The following POLR3A variants were observed in gnomAD, a reference collection of about 807,000 sequenced individuals.
POLR3A encodes RNA polymerase III subunit A.
A neutral mutation model predicts 152.8 loss-of-function variants in POLR3A; 112 were observed. The observed-to-expected ratio is 0.73, with a 90% CI of 0.63 to 0.86. The LOEUF (loss-of-function observed/expected upper bound fraction) is 0.86, where lower values mean the gene tolerates loss of function less well. POLR3A is among the 40% of genes least tolerant of loss of function. The pLI, the probability that POLR3A is intolerant of heterozygous loss-of-function variation, is 0.00. For synonymous variants in POLR3A, 615 were observed against 652.1 expected, an observed-to-expected ratio of 0.94 and a Z score of 0.87; for missense variants, 1,385 against 1,743.1, an observed-to-expected ratio of 0.79 and a Z score of 3.66.
At chr10:78,012,325 T>C (rs1028717106) in intron 11 of POLR3A, among the ~76,000 whole-genome samples, 3 of 150,702 alleles carry the variant, frequency 2.0e-5, no homozygotes, top group Non-Finnish European at 4.4e-5. Flanking sequence ...GATCACATCA[T>C]TGCACTCCAG....
intron 14 of POLR3A, 68 bp downstream of exon 14, chr10:78,009,469 G>C: frequency 6.2e-7 from 1 of 1,606,560 alleles, no homozygotes; most frequent in Non-Finnish European, 8.5e-7. Flanking sequence ...TACCAGCAAA[G>C]CTGATGACCA....
intron 10 of POLR3A, 92 bp from the exon 11 acceptor site, chr10:78,013,882 G>T: frequency 7.0e-7 from 1 of 1,437,478 alleles, no homozygotes; most frequent in Non-Finnish European, 9.8e-7. Context: ...TGGCTTCCTG[G>T]AATACTGGGC....
At chr10:77,977,897 T>A (rs1847105098) in intron 30 of POLR3A, among the ~76,000 whole-genome samples, 1 of 152,030 alleles carries the variant, frequency 6.6e-6, no homozygotes, top group East Asian at 1.9e-4. Context: ...AGTTCTCCTC[T>A]CCCACCTGAG....
chr10:78,005,903 G>C (rs1847405992), intron 15 of POLR3A, among the ~76,000 whole-genome samples: 1 of 152,170 alleles, frequency 6.6e-6, no homozygotes, highest in Non-Finnish European at 1.5e-5. Flanking sequence ...TTTCCAATCA[G>C]TGTTTCAGTC....
intron 21 of POLR3A, among the ~76,000 whole-genome samples, chr10:77,988,485 C>G (rs1192743286): frequency 6.6e-6 from 1 of 151,684 alleles, no homozygotes; most frequent in East Asian, 1.9e-4. Context: ...TTGTGAGACT[C>G]TGTCTCAGGA....
At chr10:78,003,124 C>G (rs113904175) in intron 16 of POLR3A, among the ~76,000 whole-genome samples, 5 of 152,316 alleles carry the variant, frequency 3.3e-5, no homozygotes, top group Admixed American at 1.3e-4. Context: ...TCCACAGTTA[C>G]TCCTCAACTT....
rs898572621 is a variant in POLR3A at position 78,025,282 on chromosome 10, T to G, written c.319-140A>C. Reference sequence around the variant, plus strand: ...TCTGCAAATGGCTCTATACTATGGATATGCAGAGAGGAAGCCTGTGTTCAC... The same window carrying G: ...TCTGCAAATGGCTCTATACTATGGAGATGCAGAGAGGAAGCCTGTGTTCAC... On this transcript the variant is annotated intron_variant, in intron 3 of 30. Transcript: ENST00000372371. The G allele has an allele frequency of 1.0e-4, 92 of 879,870 alleles. No individual in the cohort carries two copies. In the African/African-American group the frequency reaches 1.4e-3, roughly 13 times the overall value. The allele number at this position is 879,870 out of a possible 1,614,324, so 54.5% of individuals were successfully genotyped here.
Position 78,016,369 on chromosome 10 carries a change from G to A in POLR3A, c.1431+1206C>T, listed in dbSNP as rs112395918. On this transcript the variant is annotated intron_variant, in intron 10 of 30. Transcript: ENST00000372371. Reference sequence around the variant, plus strand: ...GGATCCATTGAGCACAGGAGATTGCGACCCATCTGGGCAATACACCAAGAC... The same window carrying A: ...GGATCCATTGAGCACAGGAGATTGCAACCCATCTGGGCAATACACCAAGAC... Among the ~76,000 whole-genome samples, 282 of 144,490 alleles carry A rather than the reference G, an allele frequency of 2.0e-3. 3 individuals carry two copies. The highest frequency in any genetic ancestry group is 6.3e-3 in the African/African-American group (244 of 38,442). The allele number at this position is 144,490 out of a possible 152,430, so 94.8% of individuals were successfully genotyped here.
At chr10:77,982,894 G>T in intron 26 of POLR3A, 77 bp from the exon 27 acceptor site, 1 of 1,395,816 alleles carries the variant, frequency 7.2e-7, no homozygotes, top group Non-Finnish European at 1.0e-6. Flanking sequence ...CCTCTAAGAA[G>T]TCCTTTTAGT....
chr10:77,984,138 G>T, intron 25 of POLR3A, 67 bp downstream of exon 25: 2 of 1,291,438 alleles, frequency 1.5e-6, no homozygotes, highest in Non-Finnish European at 1.1e-6. Context: ...GATGGCAGCT[G>T]ATTTTTACAC....
At position 77,986,149 on chromosome 10, in the gene POLR3A, T is replaced by C. The variant is rs774480974; in HGVS notation, c.2912A>G (p.Lys971Arg). Residue 971 changes from lysine to arginine, a missense_variant, in exon 22 of 31, where the codon AAA (lysine) becomes AGA (arginine). Coordinates refer to ENST00000372371, the MANE Select transcript of POLR3A (RefSeq NM_007055.4). ...CQDSFLQEIKKFIKGVSEKIK... is the reference protein window; with the variant it reads ...CQDSFLQEIKRFIKGVSEKIK... ...CTTCTCAGAGACCCCCTTAATGAAT[T>C]TTTTTATTTCCTGAAAGATTACACA... is the stretch of plus-strand genomic sequence containing the variant. 1 of 1,524,746 alleles carries C rather than the reference T, an allele frequency of 6.6e-7. No individual in the cohort carries two copies. The highest frequency in any genetic ancestry group is 9.1e-7 in the Non-Finnish European group (1 of 1,098,690). 94.5% of individuals were successfully genotyped at this position (1,524,746 alleles called of 1,614,324 possible).
chr10:78,013,914 T>A lies in POLR3A; in HGVS notation c.1432-124A>T, dbSNP rs1470989428. ...GGGCACTGGCTTAAGAAAGTAGATT[T>A]CCAGTATGTTCTGTCAAGTGATATA... On this transcript the variant is annotated intron_variant, in intron 10 of 30. Coordinates refer to ENST00000372371, the MANE Select transcript of POLR3A (RefSeq NM_007055.4). 8.3e-6 allele frequency: 9 copies of A among 1,082,678 alleles called. No homozygotes were observed. The East Asian group carries it at 2.3e-4, about 27-fold the overall frequency. 67.1% of individuals were successfully genotyped at this position (1,082,678 alleles called of 1,614,324 possible).
chr10:78,009,887 G>C lies in POLR3A; in HGVS notation c.1747C>G (p.Leu583Val), dbSNP rs771874455. ...VGKDEKIKVR[L>V]PPPTILKPVT... ...ACCTTTAGGATTGTAGGCGGTGGGA[G>C]GCGAACTTTAATTTTCTCATCCTTG... The change falls in exon 13 of 31, where the codon CTC becomes GTC. Residue 583 changes from leucine (L) to valine (V), a missense_variant. Leu to Val is a conservative substitution (Grantham distance 32). Coordinates refer to ENST00000372371, the MANE Select transcript of POLR3A (RefSeq NM_007055.4). The C allele has an allele frequency of 1.2e-6, 2 of 1,614,088 alleles. No individual in the cohort carries two copies. Among genetic ancestry groups the C allele is most frequent in the South Asian group, 2.2e-5 (2 of 91,076 alleles).
chr10:78,000,971 C>G lies in POLR3A; in HGVS notation c.2478+5G>C, dbSNP rs762833497. The G allele has an allele frequency of 6.8e-7, 1 of 1,465,750 alleles. No homozygotes were observed. The highest frequency in any genetic ancestry group is 9.5e-7 in the Non-Finnish European group (1 of 1,049,900). The allele number at this position is 1,465,750 out of a possible 1,614,324, so 90.8% of individuals were successfully genotyped here. A position where few individuals can be genotyped will look rare whatever the true frequency, so the allele number is the denominator to read the frequency against. On this transcript the variant is annotated splice_donor_5th_base_variant and intron_variant, in intron 18 of 30. Coordinates refer to ENST00000372371, the MANE Select transcript of POLR3A (RefSeq NM_007055.4). The stretch of plus-strand genomic sequence containing the variant: ...CACAGTTCTACCTGATCTGCTACTG[C>G]TTACCTTTGAGTGTTTTTCAAAATG...
At chr10:77,989,393 T>C (rs1847226588) in intron 21 of POLR3A, among the ~76,000 whole-genome samples, 1 of 152,140 alleles carries the variant, frequency 6.6e-6, no homozygotes. Flanking sequence ...CTCAGACACA[T>C]CTGTTCTGGC....
chr10:77,986,719 CA>C (rs1009349983), intron 21 of POLR3A, among the ~76,000 whole-genome samples: 5 of 152,200 alleles, frequency 3.3e-5, no homozygotes, highest in African/African-American at 1.2e-4. Flanking sequence ...CACCTCTCCC[CA>C]CAGGCCTAGG....
At chr10:77,989,298 G>T (rs1040849086) in intron 21 of POLR3A, among the ~76,000 whole-genome samples, 1 of 152,150 alleles carries the variant, frequency 6.6e-6, no homozygotes, top group Admixed American at 6.5e-5. Flanking sequence ...TTCTCCTCTG[G>T]CAGGGACCTG....
Position 78,025,630 on chromosome 10 carries a change from T to C in POLR3A, c.310A>G (p.Ile104Val), listed in dbSNP as rs370741493. 66 of 1,614,070 alleles carry C rather than the reference T, an allele frequency of 4.1e-5. No homozygotes were observed. The highest frequency in any genetic ancestry group is 3.6e-4 in the African/African-American group (27 of 74,936). ...HVGYFRAVIG[I>V]LQMICKTCCH... ...AGCACCTGTGTGCTTACCTGTAAGA[T>C]GCCTATGACTGCTCTGAAGTACCCT... The change falls in exon 3 of 31, where the codon ATC (isoleucine) becomes GTC (valine). Residue 104 changes from isoleucine to valine, a missense_variant. Physicochemically the swap from Ile to Val is conservative, Grantham distance 29. Transcript: ENST00000372371.
chr10:77,996,424 TAAA>T (rs2131939231), intron 19 of POLR3A, among the ~76,000 whole-genome samples: 1 of 151,192 alleles, frequency 6.6e-6, no homozygotes, highest in South Asian at 2.1e-4. Flanking sequence ...GCAAGACTAA[TAAA>T]GAAGAAAAGA....
Sources: gnomAD v4.1 joint callset for allele counts (sites outside exome capture counted in the v4.1 genomes callset) on GRCh38, gnomAD v4.1.1 for gene constraint, MANE v1.5 for transcripts, NCBI Gene and HGNC (gene_info 2026-07-23, HGNC 2026-07-21) for gene names.